The following PARD3B variants were observed in gnomAD, a reference collection of about 807,000 sequenced individuals.
PARD3B encodes partitioning defective 3 homolog B.
A neutral mutation model predicts 130.2 loss-of-function variants in PARD3B; 103 were observed. The ratio of observed to expected loss-of-function variants is 0.79; its 90% CI spans 0.67 to 0.93. The LOEUF is 0.93. PARD3B is among the 40% of genes least tolerant of loss of function. PARD3B has a pLI of 0.00. For missense variants in PARD3B, 1,609 were observed against 1,499.2 expected (o/e 1.07, Z -1.21); for synonymous variants, 583 against 553.2 (o/e 1.05, Z -0.76).
intron 19 of PARD3B, among the ~76,000 whole-genome samples, chr2:205,406,659 CTTTTTTTTTT>C (rs777517284): frequency 1.3e-3 from 110 of 87,462 alleles, no homozygotes; most frequent in Non-Finnish European, 2.1e-3. Context: ...TCTTGTGTAT[CTTTTTTTTTT>C]TTTTTTTTTT....
intron 15 of PARD3B, among the ~76,000 whole-genome samples, chr2:205,201,809 C>T (rs541540816): frequency 6.6e-6 from 1 of 152,240 alleles, no homozygotes; most frequent in African/African-American, 2.4e-5. Context: ...TGCACTCCAG[C>T]CTGGGCAACG....
rs2041427131 is a variant in PARD3B, at chr2:205,287,177, G to C, written c.2186-13353G>C. Among the ~76,000 whole-genome samples, 1 of 152,198 alleles carries C rather than the reference G, an allele frequency of 6.6e-6. No individual in the cohort carries two copies. The highest frequency in any genetic ancestry group is 1.5e-5 in the Non-Finnish European group (1 of 68,046). On this transcript the variant is annotated intron_variant, in intron 16 of 22. Transcript: ENST00000406610. This position sits in a 1 kb window ranked among gnomAD's most constrained non-coding sequence, Gnocchi z 4.8. ...CCTGTTACTCAAGTGTCCGACCTGA[G>C]CAGAAACAACTGGTGGTAACATGGA...
chr2:205,471,331 C>T (rs1158417567), intron 20 of PARD3B, among the ~76,000 whole-genome samples: 1 of 146,748 alleles, frequency 6.8e-6, no homozygotes, highest in African/African-American at 2.5e-5. Flanking sequence ...AAGAAAGACA[C>T]TATCAGTGCA....
rs1210829581 is a variant in PARD3B at position 205,233,816 on chromosome 2, G to A, written c.2141-11962G>A. Among the ~76,000 whole-genome samples the A allele has an allele frequency of 3.3e-5, 5 of 152,232 alleles. No individual in the cohort carries two copies. The East Asian group carries it at 9.6e-4, about 29-fold the overall frequency. ...ATATACTGTTGAAAATCTAATGTAAGTTATTAGATACTGTACTGAAAGTGA... is the reference window on the plus strand; with the variant it reads ...ATATACTGTTGAAAATCTAATGTAAATTATTAGATACTGTACTGAAAGTGA... On this transcript the variant is annotated intron_variant, in intron 15 of 22. Coordinates refer to ENST00000406610, the MANE Select transcript of PARD3B (RefSeq NM_001302769.2).
At chr2:204,705,958 T>C (rs2038124524) in intron 2 of PARD3B, among the ~76,000 whole-genome samples, 1 of 152,160 alleles carries the variant, frequency 6.6e-6, no homozygotes, top group Non-Finnish European at 1.5e-5. Context: ...TGGTGCACAA[T>C]AGGTACTCAG....
At chr2:205,290,104 A>G (rs2041549881) in intron 16 of PARD3B, among the ~76,000 whole-genome samples, 1 of 152,220 alleles carries the variant, frequency 6.6e-6, no homozygotes, top group African/African-American at 2.4e-5. Flanking sequence ...GATGCAATTA[A>G]TTAGCTGAGT....
At chr2:204,706,592 G>A (rs1433814170) in intron 2 of PARD3B, among the ~76,000 whole-genome samples, 4 of 152,088 alleles carry the variant, frequency 2.6e-5, no homozygotes, top group African/African-American at 4.8e-5. Context: ...AATAAGTCGA[G>A]TTGGACATGA....
At chr2:205,165,629 A>C (rs1016090201) in intron 11 of PARD3B, among the ~76,000 whole-genome samples, 1 of 151,654 alleles carries the variant, frequency 6.6e-6, no homozygotes, top group African/African-American at 2.4e-5. Context: ...GAGGCAGGAG[A>C]ATTGCTTGAA....
intron 16 of PARD3B, among the ~76,000 whole-genome samples, chr2:205,266,002 A>T (rs1056575154): frequency 6.6e-6 from 1 of 152,118 alleles, no homozygotes; most frequent in Non-Finnish European, 1.5e-5. Flanking sequence ...CATTAGAAAC[A>T]TCATACTAAA....
chr2:205,553,936 G>T (rs904438248), intron 22 of PARD3B, among the ~76,000 whole-genome samples: 1 of 152,190 alleles, frequency 6.6e-6, no homozygotes, highest in Non-Finnish European at 1.5e-5. Context: ...CATGGGAAAA[G>T]TTTGCTGGGC....
rs77539368 is a variant in PARD3B at position 205,525,601 on chromosome 2, A to G, written c.3180+25570A>G. Among the ~76,000 whole-genome samples the G allele has an allele frequency of 4.4e-3, 667 of 152,308 alleles. 10 individuals carry two copies. The highest frequency in any genetic ancestry group is 0.015 in the African/African-American group (642 of 41,568). ...TTTATTAGCTCCTAGACTGAGGTCT[A>G]TTGTGCGGATGCTAATCTAATAACA... On this transcript the variant is annotated intron_variant, in intron 21 of 22. Transcript: ENST00000406610. This position sits in a 1 kb window ranked among gnomAD's most constrained non-coding sequence, Gnocchi z 4.2.
chr2:205,178,766 G>C (rs890434709), intron 13 of PARD3B, among the ~76,000 whole-genome samples: 6 of 152,210 alleles, frequency 3.9e-5, no homozygotes, highest in Non-Finnish European at 7.3e-5. Flanking sequence ...ATAAAATACA[G>C]TTATGTGCCA....
chr2:205,333,223 G>A (rs1574727077), intron 18 of PARD3B, among the ~76,000 whole-genome samples: 1 of 152,016 alleles, frequency 6.6e-6, no homozygotes, highest in East Asian at 1.9e-4. Flanking sequence ...TGTCTAATAG[G>A]GTAGCCACTA....
intron 3 of PARD3B, among the ~76,000 whole-genome samples, chr2:205,034,609 G>A (rs375363848): frequency 2.6e-5 from 4 of 152,092 alleles, no homozygotes; most frequent in South Asian, 4.2e-4. Flanking sequence ...TACAAAAACA[G>A]ATCCACATTT....
chr2:205,211,564 G>C (rs2037635896), intron 15 of PARD3B, among the ~76,000 whole-genome samples: 2 of 152,080 alleles, frequency 1.3e-5, no homozygotes, highest in East Asian at 1.9e-4. Context: ...TTGCTGGAAA[G>C]ATATCCAGTA....
intron 2 of PARD3B, among the ~76,000 whole-genome samples, chr2:204,813,537 A>G (rs746865437): frequency 1.3e-5 from 2 of 152,038 alleles, no homozygotes; most frequent in Non-Finnish European, 2.9e-5. Flanking sequence ...ATGATGTTCA[A>G]TTTATTCTTC....
intron 3 of PARD3B, among the ~76,000 whole-genome samples, chr2:205,003,102 G>A (rs1185497516): frequency 3.3e-5 from 5 of 152,136 alleles, no homozygotes; most frequent in African/African-American, 1.2e-4. Flanking sequence ...GCATTCCTTG[G>A]CTCCTGGTCC....
chr2:204,926,081 C>T lies in PARD3B; in HGVS notation c.223-39071C>T, dbSNP rs74878606. On this transcript the variant is annotated intron_variant, in intron 2 of 22. Coordinates refer to ENST00000406610, the MANE Select transcript of PARD3B (RefSeq NM_001302769.2). Reference sequence around the variant, plus strand: ...TAGCACCTTTATAAGAGTGTGAGAACGAACTAACACACCTACATTTTACCA... The same window carrying T: ...TAGCACCTTTATAAGAGTGTGAGAATGAACTAACACACCTACATTTTACCA... Among the ~76,000 whole-genome samples, 557 of 151,994 alleles carry T rather than the reference C, an allele frequency of 3.7e-3. 5 individuals carry two copies. Among genetic ancestry groups the T allele is most frequent in the African/African-American group, 0.013 (535 of 41,446 alleles).
At chr2:204,653,131 G>A (rs1269716083) in intron 1 of PARD3B, among the ~76,000 whole-genome samples, 1 of 150,980 alleles carries the variant, frequency 6.6e-6, no homozygotes, top group African/African-American at 2.5e-5. Flanking sequence ...GGTGGAGGTT[G>A]GGAGGAAGGA....
Sources: allele counts gnomAD v4.1 joint callset (sites outside exome capture counted in the v4.1 genomes callset), GRCh38; gene constraint gnomAD v4.1.1; non-coding constraint Gnocchi (gnomAD v3.1); transcripts MANE v1.5; gene names NCBI Gene and HGNC (gene_info 2026-07-23, HGNC 2026-07-21).